The following PLA2G4A variants were observed in gnomAD, a reference collection of about 807,000 sequenced individuals.
The protein encoded by PLA2G4A is cytosolic phospholipase A2.
In PLA2G4A, 40 loss-of-function variants were observed where a neutral mutation model predicts 81.9. The ratio of observed to expected loss-of-function variants is 0.49; its 90% CI spans 0.38 to 0.64. PLA2G4A has a LOEUF of 0.64. PLA2G4A is among the 30% of genes least tolerant of loss of function. The pLI, the probability that PLA2G4A is intolerant of heterozygous loss-of-function variation, is 0.00. For missense variants in PLA2G4A, 715 were observed against 905.1 expected, an observed-to-expected ratio of 0.79 and a Z score of 2.69; for synonymous variants, 302 against 296.9, an observed-to-expected ratio of 1.02 and a Z score of -0.18.
chr1:186,931,495 C>CA (rs1299844955), intron 7 of PLA2G4A, among the ~76,000 whole-genome samples: 9 of 148,510 alleles, frequency 6.1e-5, no homozygotes, highest in African/African-American at 1.7e-4. Flanking sequence ...TTATCTTTCC[C>CA]AATTTAAAGC....
At position 186,854,162 on chromosome 1, in the gene PLA2G4A, G is replaced by A. The variant is rs149432391; in HGVS notation, c.-69-124G>A. 7 of 539,250 alleles carry A rather than the reference G, an allele frequency of 1.3e-5. No homozygotes were observed. The African/African-American group carries it at 1.3e-4, about 10-fold the overall frequency. The allele number at this position is 539,250 out of a possible 1,614,324, so 33.4% of individuals were successfully genotyped here. On this transcript the variant is annotated intron_variant, in intron 1 of 17. Transcript: ENST00000367466. ...TGTGATAACCCATTCGTATACACAG[G>A]GAACTCAACCTATCTAGTGTCCTTG...
chr1:186,870,678 G>C (rs771685848), intron 3 of PLA2G4A, 162 bp downstream of exon 3: 2 of 1,425,056 alleles, frequency 1.4e-6, no homozygotes, highest in Non-Finnish European at 1.9e-6. Context: ...GATGCTATCT[G>C]TCAGATTAGC....
chr1:186,905,920 CT>C (rs1424405063), intron 5 of PLA2G4A, among the ~76,000 whole-genome samples: 2 of 152,138 alleles, frequency 1.3e-5, no homozygotes, highest in African/African-American at 2.4e-5. Flanking sequence ...TTATTTTAAC[CT>C]TTTTGGAAAC....
At chr1:186,874,389 G>T (rs894833003) in intron 3 of PLA2G4A, among the ~76,000 whole-genome samples, 1 of 151,924 alleles carries the variant, frequency 6.6e-6, no homozygotes, top group African/African-American at 2.4e-5. Context: ...GAAGTGTTGG[G>T]GAAAACACAG....
chr1:186,851,982 A>G (rs1027032253), intron 1 of PLA2G4A, among the ~76,000 whole-genome samples: 2 of 151,982 alleles, frequency 1.3e-5, no homozygotes, highest in South Asian at 2.1e-4. Context: ...GGGTAATACA[A>G]CTTATGGATA....
intron 10 of PLA2G4A, among the ~76,000 whole-genome samples, chr1:186,945,595 C>T (rs1656311432): frequency 6.6e-6 from 1 of 152,016 alleles, no homozygotes; most frequent in African/African-American, 2.4e-5. Flanking sequence ...CTAAACATAC[C>T]TCGTGATAGA....
chr1:186,948,949 A>C lies in PLA2G4A; in HGVS notation c.1265-1708A>C, dbSNP rs12720633. Among the ~76,000 whole-genome samples, 128 of 152,242 alleles carry C rather than the reference A, an allele frequency of 8.4e-4. 1 individual carries two copies. In the East Asian group the frequency reaches 0.014, roughly 17 times the overall value. On this transcript the variant is annotated intron_variant, in intron 12 of 17. Coordinates refer to ENST00000367466, the MANE Select transcript of PLA2G4A (RefSeq NM_024420.3). ...ACTACTCTATCCTTTGGCTGACTGA[A>C]GTCTATCTCCTAAAGGAGTGTTCAG...
At chr1:186,972,871 C>A (rs12720673) in intron 15 of PLA2G4A, among the ~76,000 whole-genome samples, 3,499 of 152,228 alleles carry the variant, frequency 0.023, 142 homozygotes, top group African/African-American at 0.078. Context: ...CCACTAAAAA[C>A]GGAAAAAGTA....
At position 186,935,665 on chromosome 1, in the gene PLA2G4A, T is replaced by C. The variant is rs546262351; in HGVS notation, c.695+2766T>C. 7.3e-4 allele frequency among the ~76,000 whole-genome samples: 111 copies of C among 152,100 alleles called. 2 individuals are homozygous for C. The highest frequency in any genetic ancestry group is 2.6e-3 in the African/African-American group (109 of 41,548). ...AAGAAAAGGTGGCCAGGATGATTCA[T>C]GTTCACAGTTCTCTCTTAAAAAGTA... On this transcript the variant is annotated intron_variant, in intron 8 of 17. Transcript: ENST00000367466.
intron 1 of PLA2G4A, among the ~76,000 whole-genome samples, chr1:186,849,235 G>A (rs552724199): frequency 1.3e-5 from 2 of 152,100 alleles, no homozygotes; most frequent in African/African-American, 2.4e-5. Flanking sequence ...CTATATTTGG[G>A]CCATTGTATT....
intron 10 of PLA2G4A, among the ~76,000 whole-genome samples, chr1:186,945,428 A>T (rs1656305453): frequency 6.6e-6 from 1 of 152,164 alleles, no homozygotes; most frequent in African/African-American, 2.4e-5. Context: ...GCTGTGATTT[A>T]TATTTTTAAA....
intron 2 of PLA2G4A, among the ~76,000 whole-genome samples, chr1:186,858,719 A>T (rs754316635): frequency 6.6e-6 from 1 of 152,082 alleles, no homozygotes; most frequent in Non-Finnish European, 1.5e-5. Context: ...ATATTATATT[A>T]TACCATATTA....
In PLA2G4A at chr1:186,979,486, A is replaced by T. The variant is rs769318027; in HGVS notation, c.2118+14A>T. 2.6e-6 allele frequency: 4 copies of T among 1,517,962 alleles called. No homozygotes were observed. The allele number at this position is 1,517,962 out of a possible 1,614,324, so 94.0% of individuals were successfully genotyped here. On this transcript the variant is annotated intron_variant, in intron 17 of 17. Coordinates refer to ENST00000367466, the MANE Select transcript of PLA2G4A (RefSeq NM_024420.3). The stretch of plus-strand genomic sequence containing the variant: ...AACAACATTGATGTAAGTATCTCCT[A>T]TGGCCATTGACTATGTCAAATGACT...
chr1:186,988,083 C>T (rs1555204), intron 17 of PLA2G4A, among the ~76,000 whole-genome samples: 108,826 of 152,142 alleles, frequency 0.72, 40,594 homozygotes, highest in East Asian at 0.88. Flanking sequence ...GCAGAACCAA[C>T]ATAATTTTAC....
intron 1 of PLA2G4A, among the ~76,000 whole-genome samples, chr1:186,852,699 T>A (rs184662933): frequency 3.3e-5 from 5 of 152,106 alleles, no homozygotes; most frequent in African/African-American, 9.6e-5. Context: ...GAAACCCTCA[T>A]CATCTAATCA....
chr1:186,927,953 T>C (rs1655608045), intron 7 of PLA2G4A, among the ~76,000 whole-genome samples: 2 of 152,208 alleles, frequency 1.3e-5, no homozygotes, highest in South Asian at 2.1e-4. Flanking sequence ...ATCTTTATTC[T>C]TCTTTCAGTT....
intron 10 of PLA2G4A, among the ~76,000 whole-genome samples, chr1:186,945,586 T>C (rs1177268881): frequency 6.6e-6 from 1 of 152,164 alleles, no homozygotes; most frequent in African/African-American, 2.4e-5. Flanking sequence ...GACCAGGTTC[T>C]AAACATACCT....
intron 10 of PLA2G4A, among the ~76,000 whole-genome samples, chr1:186,945,800 A>G (rs1656318138): frequency 6.6e-6 from 1 of 152,172 alleles, no homozygotes; most frequent in Non-Finnish European, 1.5e-5. Context: ...GCAGATGATA[A>G]TTAGACATAG....
At chr1:186,888,886 G>T (rs929979443) in intron 3 of PLA2G4A, among the ~76,000 whole-genome samples, 1 of 151,912 alleles carries the variant, frequency 6.6e-6, no homozygotes, top group Admixed American at 6.6e-5. Flanking sequence ...GAAAAATCTG[G>T]CCCTATGAGA....
Sources: allele counts gnomAD v4.1 joint callset (sites outside exome capture counted in the v4.1 genomes callset), GRCh38; gene constraint gnomAD v4.1.1; transcripts MANE v1.5; gene names NCBI Gene and HGNC (gene_info 2026-07-23, HGNC 2026-07-21).